The following DTNA variants were observed in gnomAD, a reference collection of about 807,000 sequenced individuals.
DTNA encodes dystrophin-related protein 3.
Under a neutral mutation model 100.7 loss-of-function variants are expected in DTNA, and 43 were observed. The observed-to-expected ratio is 0.43, with a 90% CI of 0.33 to 0.55. The LOEUF is 0.55. DTNA is among the 20% of genes least tolerant of loss of function. The pLI is 0.04. For missense variants in DTNA, 798 were observed against 953.9 expected, an observed-to-expected ratio of 0.84 and a Z score of 2.15; for synonymous variants, 349 against 347.9, an observed-to-expected ratio of 1.00 and a Z score of -0.04.
chr18:34,534,030 A>C (rs929731149), intron 1 of DTNA, among the ~76,000 whole-genome samples: 11 of 152,196 alleles, frequency 7.2e-5, no homozygotes, highest in Admixed American at 2.6e-4. Flanking sequence ...CTTTTATCAG[A>C]GTTGGAACAG....
At chr18:34,814,919 A>G (rs954063629) in intron 6 of DTNA, among the ~76,000 whole-genome samples, 8 of 152,154 alleles carry the variant, frequency 5.3e-5, no homozygotes, top group African/African-American at 1.9e-4. Flanking sequence ...GAATAAGATC[A>G]TTTCAAATAT....
rs143054951 is a variant in DTNA at position 34,563,366 on chromosome 18, A to G, written c.-2+69852A>G. Among the ~76,000 whole-genome samples the G allele has an allele frequency of 1.8e-3, 274 of 152,352 alleles. 2 individuals are homozygous for G. The highest frequency in any genetic ancestry group is 6.0e-3 in the African/African-American group (251 of 41,588). Reference sequence around the variant, plus strand: ...GAACAGTTTCTCTTCCAGGGCTTTCAGAAGGAACCAACCCTGCTGACATCT... The same window carrying G: ...GAACAGTTTCTCTTCCAGGGCTTTCGGAAGGAACCAACCCTGCTGACATCT... On this transcript the variant is annotated intron_variant, in intron 1 of 19. Coordinates refer to the DTNA transcript ENST00000283365.
At chr18:34,841,981 A>G (rs1458041642) in intron 13 of DTNA, among the ~76,000 whole-genome samples, 3 of 152,176 alleles carry the variant, frequency 2.0e-5, no homozygotes, top group Admixed American at 2.0e-4. Context: ...TCAAGGGAGA[A>G]TTTCTGCTTC....
In DTNA at chr18:34,500,881, T is replaced by C. The variant is rs1386259438; in HGVS notation, c.-2+7367T>C. Among the ~76,000 whole-genome samples the C allele has an allele frequency of 5.9e-5, 9 of 152,246 alleles. No homozygotes were observed. In the East Asian group the frequency reaches 1.7e-3, roughly 29 times the overall value. ...CATGCTAACTAACAGATTAGCTATG[T>C]AGACCACCATCATGTAATCTGAAAA... On this transcript the variant is annotated intron_variant, in intron 1 of 19. Transcript: ENST00000283365.
chr18:34,707,999 G>A (rs1038202956), upstream of DTNA, among the ~76,000 whole-genome samples: 3 of 152,174 alleles, frequency 2.0e-5, no homozygotes, highest in Non-Finnish European at 4.4e-5. Context: ...TTTAATGATA[G>A]AGAAATCTTG....
Position 34,858,414 on chromosome 18 carries a change from C to T in DTNA, c.1646+16C>T. The T allele has an allele frequency of 6.2e-7, 1 of 1,610,682 alleles. No individual in the cohort carries two copies. The highest frequency in any genetic ancestry group is 8.5e-7 in the Non-Finnish European group (1 of 1,176,956). ...GGCTCCTCAGGTAGGAGAGAGCACCCATGTCATCTCAGGGAATATATATGT... is the reference window on the plus strand; with the variant it reads ...GGCTCCTCAGGTAGGAGAGAGCACCTATGTCATCTCAGGGAATATATATGT... On this transcript the variant is annotated intron_variant, in intron 16 of 22. Coordinates refer to ENST00000444659, the MANE Select transcript of DTNA (RefSeq NM_001386795.1).
chr18:34,497,653 T>G (rs2039398652), intron 1 of DTNA, among the ~76,000 whole-genome samples: 1 of 151,720 alleles, frequency 6.6e-6, no homozygotes, highest in Non-Finnish European at 1.5e-5. Flanking sequence ...TTGAAAATCA[T>G]AACACCCCCT....
At chr18:34,625,777 A>G (rs137935019) in intron 1 of DTNA, among the ~76,000 whole-genome samples, 2 of 152,312 alleles carry the variant, frequency 1.3e-5, no homozygotes, top group East Asian at 3.9e-4. Flanking sequence ...GGACCATGAT[A>G]TGGGAGAGGA....
intron 15 of DTNA, among the ~76,000 whole-genome samples, chr18:34,853,904 T>G (rs915165626): frequency 6.6e-6 from 1 of 152,040 alleles, no homozygotes; most frequent in African/African-American, 2.4e-5. Flanking sequence ...AAAAAAGCAT[T>G]GAGAGTGGGA....
intron 17 of DTNA, among the ~76,000 whole-genome samples, chr18:34,864,640 T>C (rs145243030): frequency 1.3e-5 from 2 of 152,372 alleles, no homozygotes; most frequent in African/African-American, 2.4e-5. Flanking sequence ...AGTTTCTTTA[T>C]GTCTGCAAGT....
chr18:34,557,347 T>A (rs1338315529), intron 1 of DTNA, among the ~76,000 whole-genome samples: 2 of 150,046 alleles, frequency 1.3e-5, no homozygotes, highest in Admixed American at 1.3e-4. Flanking sequence ...TTTGATCGTC[T>A]GAAGCCTTCT....
At chr18:34,522,673 C>T (rs571257822) in intron 1 of DTNA, among the ~76,000 whole-genome samples, 23 of 152,236 alleles carry the variant, frequency 1.5e-4, no homozygotes, top group Admixed American at 1.4e-3. Context: ...ATATGAGAGC[C>T]AACAAGTGTG....
At chr18:34,594,273 C>A (rs1042941552) in intron 1 of DTNA, among the ~76,000 whole-genome samples, 2 of 151,932 alleles carry the variant, frequency 1.3e-5, no homozygotes, top group African/African-American at 4.8e-5. Flanking sequence ...CTTCAAACTT[C>A]TTCTTGAAAA....
intron 1 of DTNA, among the ~76,000 whole-genome samples, chr18:34,651,377 G>A (rs2060426475): frequency 6.6e-6 from 1 of 151,836 alleles, no homozygotes. Flanking sequence ...AATGCTAATA[G>A]TCATTACTAT....
chr18:34,504,614 C>T (rs1353934169), intron 1 of DTNA, among the ~76,000 whole-genome samples: 1 of 152,114 alleles, frequency 6.6e-6, no homozygotes, highest in Non-Finnish European at 1.5e-5. Flanking sequence ...ACATAAGATT[C>T]TAGGTTGAGA....
At chr18:34,815,370 G>A (rs775563242) in intron 6 of DTNA, among the ~76,000 whole-genome samples, 9 of 152,082 alleles carry the variant, frequency 5.9e-5, no homozygotes, top group Non-Finnish European at 1.0e-4. Flanking sequence ...AGTAATAAAA[G>A]GAGCAAATTT....
chr18:34,647,671 T>A (rs904993309), intron 1 of DTNA, among the ~76,000 whole-genome samples: 1 of 152,350 alleles, frequency 6.6e-6, no homozygotes, highest in East Asian at 1.9e-4. Context: ...TAAGGAATTA[T>A]GAAAAATTTA....
chr18:34,814,794 T>G (rs1300167282), intron 6 of DTNA, among the ~76,000 whole-genome samples: 4 of 152,210 alleles, frequency 2.6e-5, no homozygotes, highest in Non-Finnish European at 4.4e-5. Flanking sequence ...GACTGTTCTG[T>G]TATATGATTT....
intron 1 of DTNA, among the ~76,000 whole-genome samples, chr18:34,531,486 CTTCTT>C (rs1227213795): frequency 6.6e-6 from 1 of 152,102 alleles, no homozygotes; most frequent in East Asian, 1.9e-4. Flanking sequence ...GTATTTTACT[CTTCTT>C]TTGTCTTGCA....
Sources: gnomAD v4.1 joint callset for allele counts (sites outside exome capture counted in the v4.1 genomes callset) on GRCh38, gnomAD v4.1.1 for gene constraint, MANE v1.5 for transcripts, NCBI Gene and HGNC (gene_info 2026-07-23, HGNC 2026-07-21) for gene names.